The following FOXN3 variants were observed in gnomAD, a reference collection of about 807,000 sequenced individuals.
The protein encoded by FOXN3 is forkhead box protein N3.
A neutral mutation model predicts 38.4 loss-of-function variants in FOXN3; 7 were observed. That is an observed-to-expected ratio of 0.18 (90% CI 0.10 to 0.34). The LOEUF is 0.34. Ranked by LOEUF, FOXN3 falls within the 10% of genes least tolerant of loss-of-function variation. The pLI, the probability that FOXN3 is intolerant of heterozygous loss-of-function variation, is 1.00. For missense variants in FOXN3, 456 were observed against 613.4 expected, an observed-to-expected ratio of 0.74 and a Z score of 2.71; for synonymous variants, 230 against 242.2, an observed-to-expected ratio of 0.95 and a Z score of 0.47.
chr14:89,261,923 C>A (rs756089208), intron 4 of FOXN3, among the ~76,000 whole-genome samples: 1 of 151,740 alleles, frequency 6.6e-6, no homozygotes, highest in Non-Finnish European at 1.5e-5. Flanking sequence ...AGCGAGACTC[C>A]GTCTCAAAAA....
intron 4 of FOXN3, among the ~76,000 whole-genome samples, chr14:89,254,508 T>C (rs1885558583): frequency 6.6e-6 from 1 of 152,168 alleles, no homozygotes; most frequent in South Asian, 2.1e-4. Flanking sequence ...GTTGCTGCCC[T>C]GTAGCAAGGC....
chr14:89,333,421 AG>A, intron 3 of FOXN3, among the ~76,000 whole-genome samples: 1 of 143,222 alleles, frequency 7.0e-6, no homozygotes. Flanking sequence ...CCGTCTCAAA[AG>A]AAAAAAAAAA....
intron 1 of FOXN3, among the ~76,000 whole-genome samples, chr14:89,468,968 G>A (rs1400296306): frequency 6.6e-6 from 1 of 152,102 alleles, no homozygotes; most frequent in East Asian, 1.9e-4. Flanking sequence ...TGACACAAAA[G>A]CCAAGTGAAC....
At chr14:89,182,996 G>T (rs151001908) in intron 4 of FOXN3, among the ~76,000 whole-genome samples, 182 of 152,280 alleles carry the variant, frequency 1.2e-3, no homozygotes, top group African/African-American at 4.0e-3. Context: ...GAACTAAAAC[G>T]ATAAAACTTC....
chr14:89,276,252 C>G (rs1046024568), intron 4 of FOXN3, among the ~76,000 whole-genome samples: 1 of 152,156 alleles, frequency 6.6e-6, no homozygotes, highest in South Asian at 2.1e-4. Context: ...TGCACACCAG[C>G]CTGGGCGACA....
chr14:89,203,740 C>T (rs7147551), intron 4 of FOXN3, among the ~76,000 whole-genome samples: 2 of 152,088 alleles, frequency 1.3e-5, no homozygotes, highest in East Asian at 3.9e-4. Context: ...ACATTTCTTC[C>T]GCTCCCAGGG....
chr14:89,247,535 G>A (rs758926326), intron 4 of FOXN3, among the ~76,000 whole-genome samples: 36 of 152,134 alleles, frequency 2.4e-4, no homozygotes, highest in Admixed American at 5.2e-4. Flanking sequence ...TCTAGTGCAA[G>A]GTCTTGAGTC....
chr14:89,608,517 A>G (rs184596765), intron 1 of FOXN3, among the ~76,000 whole-genome samples: 67 of 152,342 alleles, frequency 4.4e-4, no homozygotes, highest in African/African-American at 1.6e-3. Flanking sequence ...CAATGTATCT[A>G]TATCTTACTG....
intron 1 of FOXN3, among the ~76,000 whole-genome samples, chr14:89,537,486 TGGAC>T (rs763240507): frequency 6.8e-6 from 1 of 146,846 alleles, no homozygotes; most frequent in Non-Finnish European, 1.5e-5. Context: ...GATGGATGGA[TGGAC>T]TATCCAATCT....
At chr14:89,576,956 G>A (rs1290523574) in intron 1 of FOXN3, 1 of 152,202 alleles carries the variant, frequency 6.6e-6, no homozygotes, top group African/African-American at 2.4e-5. Context: ...TCTTCCCTAA[G>A]TATAGTAGAA....
intron 1 of FOXN3, among the ~76,000 whole-genome samples, chr14:89,606,536 T>G (rs950297648): frequency 3.9e-5 from 6 of 152,180 alleles, no homozygotes; most frequent in African/African-American, 1.2e-4. Flanking sequence ...TGTGCAAAAT[T>G]TGGAGTGTGT....
upstream of FOXN3, chr14:89,419,843 G>T (rs142032293): frequency 6.6e-6 from 1 of 152,246 alleles, no homozygotes; most frequent in African/African-American, 2.4e-5. Context: ...GAATAGTTAA[G>T]TATAAAACCC....
At chr14:89,289,582 A>G (rs1443590758) in intron 3 of FOXN3, among the ~76,000 whole-genome samples, 1 of 152,254 alleles carries the variant, frequency 6.6e-6, no homozygotes, top group Non-Finnish European at 1.5e-5. Flanking sequence ...AAATACATAT[A>G]AGATGAATAA....
intron 4 of FOXN3, among the ~76,000 whole-genome samples, chr14:89,238,712 G>A (rs191014812): frequency 2.2e-4 from 33 of 152,252 alleles, no homozygotes; most frequent in Admixed American, 2.0e-3. Flanking sequence ...TGAGTTTAAC[G>A]AATTAGCCAA....
chr14:89,186,478 C>T (rs1009808279), intron 4 of FOXN3, among the ~76,000 whole-genome samples: 1 of 152,078 alleles, frequency 6.6e-6, no homozygotes, highest in Non-Finnish European at 1.5e-5. Context: ...CAAACGGGAA[C>T]TGCAAAGCAG....
intron 1 of FOXN3, among the ~76,000 whole-genome samples, chr14:89,415,472 G>C (rs1328954131): frequency 6.6e-6 from 1 of 151,870 alleles, no homozygotes; most frequent in Non-Finnish European, 1.5e-5. Context: ...GATCATGTGT[G>C]CGTTTTGTGC....
intron 2 of FOXN3, among the ~76,000 whole-genome samples, chr14:89,411,354 TGTCACTTATACA>T (rs1891540652): frequency 6.6e-6 from 1 of 152,172 alleles, no homozygotes; most frequent in East Asian, 1.9e-4. Flanking sequence ...ATTTCAAAGT[TGTCACTTATACA>T]GACACCAGAT....
intron 3 of FOXN3, among the ~76,000 whole-genome samples, chr14:89,297,321 G>C (rs1392946205): frequency 2.0e-5 from 3 of 151,892 alleles, no homozygotes; most frequent in Non-Finnish European, 4.4e-5. Flanking sequence ...CCAACACTTT[G>C]GGAAGCCGAG....
chr14:89,388,211 C>T (rs1256116894), intron 2 of FOXN3, among the ~76,000 whole-genome samples: 1 of 152,160 alleles, frequency 6.6e-6, no homozygotes, highest in Non-Finnish European at 1.5e-5. Context: ...AATGGGCGAA[C>T]ACACACTCCA....
Sources: allele counts gnomAD v4.1 joint callset (sites outside exome capture counted in the v4.1 genomes callset), GRCh38; gene constraint gnomAD v4.1.1; transcripts MANE v1.5; gene names NCBI Gene and HGNC (gene_info 2026-07-23, HGNC 2026-07-21).